The following RYR3 variants were observed in gnomAD, a reference collection of about 807,000 sequenced individuals.
RYR3 encodes the protein brain ryanodine receptor-calcium release channel.
In RYR3, 207 loss-of-function variants were observed where a neutral mutation model predicts 584.3. That is an observed-to-expected ratio of 0.35 (90% CI 0.32 to 0.40). The LOEUF is 0.40. RYR3 is among the 10% of genes least tolerant of loss of function. The probability of loss-of-function intolerance (pLI) is 1.00; values close to 1 mark genes in which losing one functional copy is unlikely to be tolerated. For missense variants in RYR3, 5,616 were observed against 6,089.2 expected (o/e 0.92, Z 2.59); for synonymous variants, 2,416 against 2,248.5 (o/e 1.07, Z -2.11).
At chr15:33,435,575 T>C (rs774544581) in intron 1 of RYR3, among the ~76,000 whole-genome samples, 2 of 152,248 alleles carry the variant, frequency 1.3e-5, no homozygotes, top group Admixed American at 6.5e-5. Context: ...AAATGGGCTA[T>C]ATGCCTCTTC....
intron 93 of RYR3, among the ~76,000 whole-genome samples, 195 bp from the exon 94 acceptor site, chr15:33,848,096 C>T (rs774207162): frequency 2.3e-4 from 35 of 152,178 alleles, no homozygotes; most frequent in Non-Finnish European, 2.9e-5. Context: ...CAAATCAGAT[C>T]AGCTTTAAAG....
chr15:33,543,996 T>G (rs910817487), intron 8 of RYR3, among the ~76,000 whole-genome samples: 7 of 152,256 alleles, frequency 4.6e-5, no homozygotes, highest in Non-Finnish European at 8.8e-5. Flanking sequence ...ACCAGGCTCT[T>G]CAAAGACAGA....
At chr15:33,602,536 A>C (rs973246218) in intron 17 of RYR3, among the ~76,000 whole-genome samples, 3 of 151,324 alleles carry the variant, frequency 2.0e-5, no homozygotes, top group African/African-American at 7.4e-5. Context: ...TTTTTAACTT[A>C]AAAAACAAAG....
At chr15:33,489,932 C>T (rs2050827769) in intron 2 of RYR3, among the ~76,000 whole-genome samples, 1 of 98,674 alleles carries the variant, frequency 1.0e-5, no homozygotes, top group Admixed American at 1.0e-4. Flanking sequence ...TTTGCCCATT[C>T]ATTCCTTAAA....
Position 33,853,031 on chromosome 15 carries a change from G to A in RYR3, c.13629-14G>A, listed in dbSNP as rs370626931. 34 of 1,600,562 alleles carry A rather than the reference G, an allele frequency of 2.1e-5. No individual in the cohort carries two copies. The highest frequency in any genetic ancestry group is 1.0e-4 in the Admixed American group (6 of 57,902). On this transcript the variant is annotated splice_polypyrimidine_tract_variant and intron_variant, in intron 94 of 103. Transcript: ENST00000634891. Reference sequence around the variant, plus strand: ...TAAGAATGAAGAACCAACCTTTTTCGTTTTGTTTTTCAGATCTTTTCCTAA... The same window carrying A: ...TAAGAATGAAGAACCAACCTTTTTCATTTTGTTTTTCAGATCTTTTCCTAA...
chr15:33,431,260 A>C (rs1393023993), intron 1 of RYR3, among the ~76,000 whole-genome samples: 1 of 152,238 alleles, frequency 6.6e-6, no homozygotes, highest in East Asian at 1.9e-4. Flanking sequence ...CTTATGGAGC[A>C]GCTAAACAGA....
At chr15:33,317,398 C>T (rs73374800) in intron 1 of RYR3, among the ~76,000 whole-genome samples, 10,044 of 152,220 alleles carry the variant, frequency 0.066, 502 homozygotes, top group African/African-American at 0.13. Context: ...GCTGTAGGGC[C>T]ACAGTTCTCC....
chr15:33,811,039 T>C lies in RYR3; in HGVS notation c.10257+2T>C, dbSNP rs1205660565. The C allele has an allele frequency of 6.2e-7, 1 of 1,606,392 alleles. No homozygotes were observed. The highest frequency in any genetic ancestry group is 1.1e-5 in the South Asian group (1 of 88,842). On this transcript the variant is annotated splice_donor_variant, in intron 72 of 103. Transcript: ENST00000634891. LOFTEE classifies it high-confidence loss of function. Reference sequence around the variant, plus strand: ...AACAACTTGCACTTGCAGGAAAAGGTGATGACTCAGGACAGCAGTGAGAAC... The same window carrying C: ...AACAACTTGCACTTGCAGGAAAAGGCGATGACTCAGGACAGCAGTGAGAAC...
chr15:33,810,270 C>T (rs2076449643), intron 70 of RYR3, among the ~76,000 whole-genome samples: 1 of 152,196 alleles, frequency 6.6e-6, no homozygotes, highest in South Asian at 2.1e-4. Context: ...TGTGCATGCG[C>T]AGAAGGAGAA....
intron 21 of RYR3, 164 bp from the exon 22 acceptor site, chr15:33,629,776 A>G: frequency 1.8e-6 from 1 of 548,268 alleles, no homozygotes; most frequent in Non-Finnish European, 3.2e-6. Flanking sequence ...TGTGTGTCTC[A>G]TTGACTAGAG....
chr15:33,436,501 C>CTT (rs34317660), intron 1 of RYR3, among the ~76,000 whole-genome samples: 13 of 135,912 alleles, frequency 9.6e-5, no homozygotes, highest in Non-Finnish European at 1.1e-4. Flanking sequence ...AAACCATATT[C>CTT]TTTTTTTTTT....
chr15:33,369,437 G>T (rs1394453597), intron 1 of RYR3, among the ~76,000 whole-genome samples: 2 of 152,138 alleles, frequency 1.3e-5, no homozygotes, highest in Non-Finnish European at 2.9e-5. Flanking sequence ...CTATGGCCGA[G>T]CTCACATGCT....
chr15:33,723,273 T>G (rs1020675497), intron 44 of RYR3, among the ~76,000 whole-genome samples: 1 of 152,238 alleles, frequency 6.6e-6, no homozygotes, highest in Non-Finnish European at 1.5e-5. Context: ...CATACCTCAT[T>G]TGTAAAAACA....
At position 33,861,192 on chromosome 15, in the gene RYR3, G is replaced by T. The variant is rs1888064073; in HGVS notation, c.14465+14G>T. The stretch of plus-strand genomic sequence containing the variant: ...AGCCAACTACTTGTGAGTATTCTTG[G>T]TTAACAAAAGTAATGGCAGCTGTAG... On this transcript the variant is annotated intron_variant, in intron 102 of 103. Transcript: ENST00000634891. 5 of 1,552,322 alleles carry T rather than the reference G, an allele frequency of 3.2e-6. No homozygotes were observed. The highest frequency in any genetic ancestry group is 4.4e-6 in the Non-Finnish European group (5 of 1,138,914).
chr15:33,864,296 G>A (rs563884703), intron 103 of RYR3, 107 bp downstream of exon 103: 466 of 831,986 alleles, frequency 5.6e-4, no homozygotes, highest in Non-Finnish European at 4.5e-4. Flanking sequence ...CATTAATCCC[G>A]TGAATGCATT....
intron 85 of RYR3, chr15:33,830,665 T>A (rs1359272131): frequency 2.6e-5 from 6 of 232,622 alleles, no homozygotes; most frequent in Non-Finnish European, 5.0e-5. Context: ...CTATGATTAT[T>A]TGGATAATTA....
intron 11 of RYR3, among the ~76,000 whole-genome samples, 188 bp downstream of exon 11, chr15:33,563,198 T>C (rs2057507164): frequency 6.6e-6 from 1 of 152,200 alleles, no homozygotes; most frequent in African/African-American, 2.4e-5. Context: ...TTTGACCCCA[T>C]GTTCAATGGG....
chr15:33,483,056 A>G (rs1256503220), intron 2 of RYR3, among the ~76,000 whole-genome samples: 2 of 151,962 alleles, frequency 1.3e-5, no homozygotes, highest in African/African-American at 4.8e-5. Flanking sequence ...TACATGTGCT[A>G]TTAACCCCCT....
chr15:33,627,645 A>G (rs904588084), intron 20 of RYR3, among the ~76,000 whole-genome samples: 9 of 152,242 alleles, frequency 5.9e-5, no homozygotes, highest in Non-Finnish European at 1.2e-4. Context: ...TGAGAACTAA[A>G]GAAGAGCACT....
Sources: allele counts gnomAD v4.1 joint callset (sites outside exome capture counted in the v4.1 genomes callset), GRCh38; gene constraint gnomAD v4.1.1; transcripts MANE v1.5; gene names NCBI Gene and HGNC (gene_info 2026-07-23, HGNC 2026-07-21).